Variants in FAM217A observed in about 807,000 individuals in gnomAD.
FAM217A encodes family with sequence similarity 217 member A, also known as protein FAM217A.
In FAM217A, 13 loss-of-function variants were observed where a neutral mutation model predicts 18.5. The observed-to-expected ratio is 0.70, with a 90% CI of 0.46 to 1.12. The LOEUF (loss-of-function observed/expected upper bound fraction) is 1.12. Among genes scored for constraint, FAM217A ranks in the 50% most tolerant of loss-of-function variants. The probability of loss-of-function intolerance (pLI) is 0.00; values close to 1 mark genes in which losing one functional copy is unlikely to be tolerated. For missense variants in FAM217A, 560 were observed against 575.4 expected (o/e 0.97, Z 0.27); for synonymous variants, 161 against 202.8 (o/e 0.79, Z 1.75).
At chr6:4,084,528 A>G (rs1770512895) in intron 2 of FAM217A, 2 of 696,632 alleles carry the variant, frequency 2.9e-6, no homozygotes, top group East Asian at 2.7e-5. Flanking sequence ...CTAGCCTTAT[A>G]TCACAAATTC....
upstream of FAM217A, among the ~76,000 whole-genome samples, chr6:4,081,797 T>C (rs183736016): frequency 5.3e-5 from 8 of 152,376 alleles, no homozygotes; most frequent in East Asian, 1.2e-3. Flanking sequence ...ACAAATTATG[T>C]GTGCTTGTGT....
chr6:4,078,457 A>G (rs186925762), intron 1 of FAM217A, among the ~76,000 whole-genome samples: 3 of 152,180 alleles, frequency 2.0e-5, no homozygotes, highest in African/African-American at 7.2e-5. Flanking sequence ...GATTTAGTTT[A>G]GGTAGGTTTT....
chr6:4,073,569 A>G (rs535162353), intron 4 of FAM217A, 62 bp from the exon 5 acceptor site: 2 of 1,331,358 alleles, frequency 1.5e-6, no homozygotes, highest in African/African-American at 2.9e-5. Context: ...TTGTTCTAAC[A>G]ATGTATAGTT....
intron 6 of FAM217A, among the ~76,000 whole-genome samples, chr6:4,070,583 AAAGAT>A (rs1195613954): frequency 6.6e-6 from 1 of 152,236 alleles, no homozygotes; most frequent in Non-Finnish European, 1.5e-5. Context: ...TTTGTTTTTT[AAAGAT>A]AACTAGAAAT....
rs1770065904 is a variant in FAM217A, at chr6:4,078,959, CGCGGCCTTCCTGCA to C, written c.-156_-143del. On this transcript the variant is annotated 5_prime_UTR_variant, in exon 1 of 7. Transcript: ENST00000274673. The stretch of plus-strand genomic sequence containing the variant: ...ACGGCTTGGAGGGCGCCCCCTCTGC[CGCGGCCTTCCTGCA>C]GCGGGGGGACAAAGAGGGCGGCGGG... The C allele has an allele frequency of 1.9e-6, 1 of 531,884 alleles. No individual in the cohort carries two copies. The highest frequency in any genetic ancestry group is 2.4e-5 in the South Asian group (1 of 41,820). The allele number at this position is 531,884 out of a possible 1,614,324, so 32.9% of individuals were successfully genotyped here. A position where few individuals can be genotyped will look rare whatever the true frequency, so the allele number is the denominator to read the frequency against.
upstream of FAM217A, among the ~76,000 whole-genome samples, chr6:4,079,958 TG>T: frequency 6.9e-6 from 1 of 144,544 alleles, no homozygotes; most frequent in South Asian, 2.2e-4. Flanking sequence ...AGTGGAGGGG[TG>T]GGGGAAGAAT....
chr6:4,085,374 A>C (rs1042735028), intron 1 of FAM217A, among the ~76,000 whole-genome samples: 2 of 151,670 alleles, frequency 1.3e-5, no homozygotes, highest in Non-Finnish European at 2.9e-5. Flanking sequence ...TTTAAAAACA[A>C]AATTTAATAA....
At chr6:4,080,551 T>C (rs1240545795), upstream of FAM217A, among the ~76,000 whole-genome samples, 1 of 145,560 alleles carries the variant, frequency 6.9e-6, no homozygotes, top group African/African-American at 2.7e-5. Flanking sequence ...TGCAGCCTCC[T>C]TGGAGGTTTC....
At chr6:4,076,258 C>T (rs552544637) in intron 2 of FAM217A, among the ~76,000 whole-genome samples, 16 of 148,224 alleles carry the variant, frequency 1.1e-4, no homozygotes, top group East Asian at 2.0e-4. Flanking sequence ...GAATCCGAGA[C>T]GCAGAAGTTG....
chr6:4,078,834 C>T lies in FAM217A; in HGVS notation c.-35+18G>A, dbSNP rs973227430. ...GAGGGGGCTGCGGGATTCCCCGGGG[C>T]CGGGGCTCTCAACCCACCGCGCGAA... On this transcript the variant is annotated intron_variant, in intron 1 of 6. Coordinates refer to ENST00000274673, the MANE Select transcript of FAM217A (RefSeq NM_173563.3). The T allele has an allele frequency of 6.4e-5, 29 of 453,156 alleles. No individual in the cohort carries two copies. Among genetic ancestry groups the T allele is most frequent in the Non-Finnish European group, 1.0e-4 (26 of 253,632 alleles). The allele number at this position is 453,156 out of a possible 1,614,324, so 28.1% of individuals were successfully genotyped here.
chr6:4,076,773 C>T (rs1306032892), intron 2 of FAM217A, among the ~76,000 whole-genome samples: 1 of 152,148 alleles, frequency 6.6e-6, no homozygotes, highest in Non-Finnish European at 1.5e-5. Flanking sequence ...GAGGCTGAGG[C>T]AGGAGAATCG....
chr6:4,077,736 A>G (rs1421648158), intron 1 of FAM217A, among the ~76,000 whole-genome samples: 2 of 152,242 alleles, frequency 1.3e-5, no homozygotes, highest in East Asian at 1.9e-4. Flanking sequence ...AAGATGAAAT[A>G]CACATTGGAA....
At chr6:4,069,958 C>A (rs1769296230) in intron 6 of FAM217A, 38 bp from the exon 7 acceptor site, 2 of 1,388,438 alleles carry the variant, frequency 1.4e-6, no homozygotes, top group Non-Finnish European at 9.8e-7. Flanking sequence ...GGTTTATTGA[C>A]TAGAATTAAA....
Position 4,069,908 on chromosome 6 carries a change from T to C in FAM217A, c.315A>G (p.Lys105=), listed in dbSNP as rs201084393. The C allele has an allele frequency of 1.9e-5, 29 of 1,565,448 alleles. No homozygotes were observed. The highest frequency in any genetic ancestry group is 2.4e-5 in the Non-Finnish European group (28 of 1,157,256). ...GSTIEKREFK[K]SSVETGFNVI... ...CATTAAAGCCAGTTTCCACTGAAGA[T>C]TTTTTGAATTCCCTTTAAAAAATAA... is the stretch of plus-strand genomic sequence containing the variant. Residue 105 remains lysine (K), a synonymous_variant, in exon 7 of 7, where the codon AAA becomes AAG. Coordinates refer to ENST00000274673, the MANE Select transcript of FAM217A (RefSeq NM_173563.3).
rs762727509 is a variant in FAM217A at position 4,073,287 on chromosome 6, G to A, written c.290C>T (p.Thr97Ile). ...ACTACTCGCTTACCTCTTCTCTATG[G>A]TACTTCCTTCATTAAGAGGACAATT... ...LWNCPLNEGS[T>I]IEKREFKKSS... Residue 97 changes from threonine to isoleucine, a missense_variant, in exon 6 of 7, where the codon ACC becomes ATC. Transcript: ENST00000274673. The A allele has an allele frequency of 5.0e-6, 8 of 1,607,054 alleles. No individual in the cohort carries two copies. The South Asian group carries it at 7.8e-5, about 16-fold the overall frequency.
chr6:4,073,535 A>G (rs1769560103), intron 4 of FAM217A, 28 bp from the exon 5 acceptor site: 5 of 1,551,904 alleles, frequency 3.2e-6, no homozygotes, highest in Non-Finnish European at 2.7e-6. Context: ...ACTTTTAAAC[A>G]TAATATATCT....
chr6:4,081,698 G>T (rs558656505), upstream of FAM217A, among the ~76,000 whole-genome samples: 22 of 152,312 alleles, frequency 1.4e-4, 1 homozygote, highest in African/African-American at 4.8e-4. Flanking sequence ...GAAAAATTGC[G>T]AATGGGAGTA....
In FAM217A at chr6:4,074,424, A is replaced by G. The variant is rs1488077407; in HGVS notation, c.159+19T>C. The G allele has an allele frequency of 6.4e-7, 1 of 1,569,510 alleles. No homozygotes were observed. Among genetic ancestry groups the G allele is most frequent in the Admixed American group, 1.7e-5 (1 of 57,690 alleles). ...TCGTATGTTTTATGAATACCTTAAA[A>G]CCAAACATTCATCCTTACCTTGTTA... On this transcript the variant is annotated intron_variant, in intron 4 of 6. Transcript: ENST00000274673.
Position 4,072,466 on chromosome 6 carries a change from T to TAAAA in FAM217A, c.302+805_302+808dup, listed in dbSNP as rs60967444. Among the ~76,000 whole-genome samples the TAAAA allele has an allele frequency of 5.1e-3, 748 of 147,080 alleles. 5 individuals are homozygous for TAAAA. The highest frequency in any genetic ancestry group is 0.017 in the African/African-American group (663 of 39,974). On this transcript the variant is annotated intron_variant, in intron 6 of 6. Coordinates refer to ENST00000274673, the MANE Select transcript of FAM217A (RefSeq NM_173563.3). ...TATTCCCAGAACTTAAAAAAGTATT[T>TAAAA]AAAAAAAAAAAAGCGGCCTGGCATG... is the stretch of plus-strand genomic sequence containing the variant.
Sources: allele counts gnomAD v4.1 joint callset (sites outside exome capture counted in the v4.1 genomes callset), GRCh38; gene constraint gnomAD v4.1.1; transcripts MANE v1.5; gene names NCBI Gene and HGNC (gene_info 2026-07-23, HGNC 2026-07-21).